OTULINL: variants seen among roughly 807,000 people sequenced by gnomAD.
OTULINL encodes OTU deubiquitinase with linear linkage specificity like, also known as inactive ubiquitin thioesterase OTULINL.
In OTULINL, 42 loss-of-function variants were observed where a neutral mutation model predicts 43.9. That is an observed-to-expected ratio of 0.96 (90% CI 0.75 to 1.24). The LOEUF (loss-of-function observed/expected upper bound fraction) is 1.24, where lower values mean the gene tolerates loss of function less well. OTULINL is among the 50% of genes most tolerant of loss of function. The pLI is 0.00. For synonymous variants in OTULINL, 172 were observed against 153.6 expected (o/e 1.12, Z -0.88); for missense variants, 411 against 426.4 (o/e 0.96, Z 0.32).
At chr5:14,604,101 T>C (rs78047042) in intron 5 of OTULINL, among the ~76,000 whole-genome samples, 65 of 152,160 alleles carry the variant, frequency 4.3e-4, no homozygotes, top group African/African-American at 1.4e-3. Context: ...GGAGGCCAAG[T>C]TGGGAGTATC....
chr5:14,588,899 C>G (rs1473633373), intron 1 of OTULINL, among the ~76,000 whole-genome samples: 3 of 152,184 alleles, frequency 2.0e-5, no homozygotes, highest in South Asian at 2.1e-4. Context: ...ACCCAGCACC[C>G]AGGGACGATG....
chr5:14,609,672 C>T (rs1346452578), intron 7 of OTULINL, among the ~76,000 whole-genome samples: 2 of 140,936 alleles, frequency 1.4e-5, no homozygotes, highest in Non-Finnish European at 1.5e-5. Context: ...GTTCTGTCGC[C>T]CAGGCGGGAG....
rs1423069711 is a variant in OTULINL, at chr5:14,615,577, G to GT, written c.*5264dup. 1.3e-5 allele frequency among the ~76,000 whole-genome samples: 2 copies of GT among 152,164 alleles called. No individual in the cohort carries two copies. Among genetic ancestry groups the GT allele is most frequent in the Non-Finnish European group, 2.9e-5 (2 of 68,032 alleles). ...AGGGCCAGAGATGAGGGGACGCCTG[G>GT]TGAAAATGGTGTTTGTTGTAACATC... On this transcript the variant is annotated 3_prime_UTR_variant, in exon 8 of 8. Coordinates refer to ENST00000274217, the MANE Select transcript of OTULINL (RefSeq NM_019018.3).
rs939552615 is a variant in OTULINL, at chr5:14,582,094, G to C, written c.64+136G>C. On this transcript the variant is annotated intron_variant, in intron 1 of 7. Coordinates refer to ENST00000274217, the MANE Select transcript of OTULINL (RefSeq NM_019018.3). ...CCTGTTGGGGGCTGGGAATCCTGGAGCCCGGGAGCTGGAGCGCGCCCCTGA... is the reference window on the plus strand; with the variant it reads ...CCTGTTGGGGGCTGGGAATCCTGGACCCCGGGAGCTGGAGCGCGCCCCTGA... 1.8e-5 allele frequency: 11 copies of C among 615,196 alleles called. No homozygotes were observed. In the Admixed American group the frequency reaches 5.2e-4, roughly 29 times the overall value. 38.1% of individuals were successfully genotyped at this position (615,196 alleles called of 1,614,324 possible). A position where few individuals can be genotyped will look rare whatever the true frequency, so the allele number is the denominator to read the frequency against.
At chr5:14,600,926 G>A in intron 1 of OTULINL, 39 bp from the exon 2 acceptor site, 1 of 1,336,100 alleles carries the variant, frequency 7.5e-7, no homozygotes, top group Non-Finnish European at 9.7e-7. Context: ...GTGTAATTGT[G>A]ATGTGCTTTT....
At position 14,601,122 on chromosome 5, in the gene OTULINL, A is replaced by G; in HGVS notation, c.222A>G (p.Lys74=). 2 of 1,611,316 alleles carry G rather than the reference A, an allele frequency of 1.2e-6. No homozygotes were observed. The highest frequency in any genetic ancestry group is 8.5e-7 in the Non-Finnish European group (1 of 1,178,760). Reference sequence around the variant, plus strand: ...ATTTATATTCAGGGCACAAGCTGAAATGGTAGGTCACTGTATCATCCTTAA... The same window carrying G: ...ATTTATATTCAGGGCACAAGCTGAAGTGGTAGGTCACTGTATCATCCTTAA... ...RLHLYSGHKL[K]WWIGYLQRKF... The change falls in exon 2 of 8, where the codon AAA becomes AAG. Residue 74 remains lysine, a splice_region_variant and synonymous_variant. Transcript: ENST00000274217.
intron 1 of OTULINL, among the ~76,000 whole-genome samples, chr5:14,591,440 A>G (rs1331579166): frequency 2.0e-5 from 3 of 152,092 alleles, no homozygotes; most frequent in Non-Finnish European, 4.4e-5. Flanking sequence ...TCCCAAGGAG[A>G]GGGCAGGCCC....
chr5:14,608,917 G>T lies in OTULINL; in HGVS notation c.797G>T (p.Ser266Ile). 6.2e-7 allele frequency: 1 copy of T among 1,614,038 alleles called. No individual in the cohort carries two copies. Among genetic ancestry groups the T allele is most frequent in the Non-Finnish European group, 8.5e-7 (1 of 1,179,916 alleles). ...EQMKTKKVIP[S>I]LFRLLFSRET... is the part of the protein sequence containing the mutation. ...ATGAAGACTAAAAAGGTCATTCCCA[G>T]TCTTTTTAGACTCCTGTTTTCCAGG... Residue 266 changes from serine (S) to isoleucine (I), a missense_variant, in exon 7 of 8, where the codon AGT becomes ATT. Coordinates refer to ENST00000274217, the MANE Select transcript of OTULINL (RefSeq NM_019018.3).
intron 5 of OTULINL, among the ~76,000 whole-genome samples, chr5:14,602,914 G>A (rs1181822734): frequency 6.6e-6 from 1 of 152,156 alleles, no homozygotes; most frequent in Non-Finnish European, 1.5e-5. Flanking sequence ...TTACTCTATA[G>A]TTAATGAGAG....
rs1037003673 is a variant in OTULINL at position 14,581,859 on chromosome 5, G to T, written c.-36G>T. On this transcript the variant is annotated 5_prime_UTR_variant, in exon 1 of 8. Transcript: ENST00000274217. Reference sequence around the variant, plus strand: ...GTCTGACAGACCACTGCAGACCACGGGCCGAGGCCCAGCGCCCGTCCGCAG... The same window carrying T: ...GTCTGACAGACCACTGCAGACCACGTGCCGAGGCCCAGCGCCCGTCCGCAG... 8.8e-5 allele frequency: 122 copies of T among 1,391,574 alleles called. No homozygotes were observed. Among genetic ancestry groups the T allele is most frequent in the African/African-American group, 6.1e-5 (4 of 65,876 alleles). 86.2% of individuals were successfully genotyped at this position (1,391,574 alleles called of 1,614,324 possible). A position where few individuals can be genotyped will look rare whatever the true frequency, so the allele number is the denominator to read the frequency against.
At position 14,602,349 on chromosome 5, in the gene OTULINL, G is replaced by T; in HGVS notation, c.498+17G>T. 6.2e-7 allele frequency: 1 copy of T among 1,605,640 alleles called. No homozygotes were observed. The highest frequency in any genetic ancestry group is 8.5e-7 in the Non-Finnish European group (1 of 1,176,136). On this transcript the variant is annotated intron_variant, in intron 5 of 7. Coordinates refer to ENST00000274217, the MANE Select transcript of OTULINL (RefSeq NM_019018.3). Reference sequence around the variant, plus strand: ...ATTGTTAAGGTATGTCTTCCCCCTGGAAATGTGGGAAATGTCATGTTGACA... The same window carrying T: ...ATTGTTAAGGTATGTCTTCCCCCTGTAAATGTGGGAAATGTCATGTTGACA...
At chr5:14,593,914 T>G (rs1759245583) in intron 1 of OTULINL, among the ~76,000 whole-genome samples, 1 of 152,224 alleles carries the variant, frequency 6.6e-6, no homozygotes, top group Admixed American at 6.5e-5. Flanking sequence ...CAGTTGAATG[T>G]CTTAGTGGTC....
rs1219380851 is a variant in OTULINL at position 14,581,908 on chromosome 5, G to T, written c.14G>T (p.Arg5Met). ...AGCGCGGCCGGCATGGCGGCGACAAGGAGCCCCACGCGGGCAAGGGAGCGG... is the reference window on the plus strand; with the variant it reads ...AGCGCGGCCGGCATGGCGGCGACAATGAGCCCCACGCGGGCAAGGGAGCGG... MAAT[R>M]SPTRARERER... The change falls in exon 1 of 8, where the codon AGG (arginine) becomes ATG (methionine). Residue 5 changes from arginine to methionine, a missense_variant. By Grantham distance (91) the Arg-to-Met change is moderately conservative. Transcript: ENST00000274217. 6.4e-6 allele frequency: 9 copies of T among 1,413,076 alleles called. No individual in the cohort carries two copies. Among genetic ancestry groups the T allele is most frequent in the Non-Finnish European group, 8.3e-6 (9 of 1,083,428 alleles). 87.5% of individuals were successfully genotyped at this position (1,413,076 alleles called of 1,614,324 possible). A position where few individuals can be genotyped will look rare whatever the true frequency, so the allele number is the denominator to read the frequency against.
chr5:14,603,508 T>C (rs1400678326), intron 5 of OTULINL, among the ~76,000 whole-genome samples: 1 of 152,256 alleles, frequency 6.6e-6, no homozygotes, highest in South Asian at 2.1e-4. Flanking sequence ...GTCAGGTTTT[T>C]GTTTTTAGCC....
At position 14,581,818 on chromosome 5, in the gene OTULINL, GGCGGGCGGCC is replaced by G; in HGVS notation, c.-75_-66del. The G allele has an allele frequency of 1.7e-6, 2 of 1,199,398 alleles. No individual in the cohort carries two copies. The highest frequency in any genetic ancestry group is 1.1e-6 in the Non-Finnish European group (1 of 944,638). 74.3% of individuals were successfully genotyped at this position (1,199,398 alleles called of 1,614,324 possible). ...CCTCAGGGAAGCGAGCCCGGGCGCCGGCGGGCGGCCGTCGCGTCTGACAGACCACTGCAGA... is the reference window on the plus strand; with the variant it reads ...CCTCAGGGAAGCGAGCCCGGGCGCCGGTCGCGTCTGACAGACCACTGCAGA... On this transcript the variant is annotated 5_prime_UTR_variant, in exon 1 of 8. Transcript: ENST00000274217.
At chr5:14,587,424 G>T (rs1182365070) in intron 1 of OTULINL, among the ~76,000 whole-genome samples, 2 of 152,216 alleles carry the variant, frequency 1.3e-5, no homozygotes, top group Non-Finnish European at 2.9e-5. Flanking sequence ...GGAAGGGCTG[G>T]TGGCACTCAT....
rs573513937 is a variant in OTULINL, at chr5:14,613,558, G to T, written c.*3244G>T. ...GGGAGTTAAATGGATCAGGAAAATC[G>T]TGTTTTATCTCCAAAGTAAAATGAT... On this transcript the variant is annotated 3_prime_UTR_variant, in exon 8 of 8. Transcript: ENST00000274217. Among the ~76,000 whole-genome samples, 1 of 152,276 alleles carries T rather than the reference G, an allele frequency of 6.6e-6. No individual in the cohort carries two copies. The highest frequency in any genetic ancestry group is 2.4e-5 in the African/African-American group (1 of 41,560).
chr5:14,607,469 G>A lies in OTULINL; in HGVS notation c.627+11G>A. 1 of 1,613,022 alleles carries A rather than the reference G, an allele frequency of 6.2e-7. No individual in the cohort carries two copies. The highest frequency in any genetic ancestry group is 8.5e-7 in the Non-Finnish European group (1 of 1,179,672). ...TTATTGAAAACACAGGTAAGTGTTT[G>A]CGGGGGAAATAAAAAGACTAGGAAT... On this transcript the variant is annotated intron_variant, in intron 6 of 7. Coordinates refer to ENST00000274217, the MANE Select transcript of OTULINL (RefSeq NM_019018.3).
intron 7 of OTULINL, among the ~76,000 whole-genome samples, chr5:14,609,276 G>A (rs958136466): frequency 6.6e-6 from 1 of 152,224 alleles, no homozygotes; most frequent in African/African-American, 2.4e-5. Context: ...CTGCTTCCCA[G>A]ATGCCAACAG....
Sources: gnomAD v4.1 joint callset for allele counts (sites outside exome capture counted in the v4.1 genomes callset) on GRCh38, gnomAD v4.1.1 for gene constraint, MANE v1.5 for transcripts, NCBI Gene and HGNC (gene_info 2026-07-23, HGNC 2026-07-21) for gene names.